The following PARD3 variants were observed in gnomAD, a reference collection of about 807,000 sequenced individuals.
PARD3 encodes partitioning defective 3 homolog.
A neutral mutation model predicts 155.4 loss-of-function variants in PARD3; 75 were observed. The observed-to-expected ratio is 0.48, with a 90% CI of 0.40 to 0.58. PARD3 has a LOEUF of 0.58. Among genes scored for constraint, PARD3 ranks in the 20% least tolerant of loss-of-function variants. PARD3 has a pLI of 0.00. For synonymous variants in PARD3, 576 were observed against 610.5 expected, an observed-to-expected ratio of 0.94 and a Z score of 0.83; for missense variants, 1,642 against 1,721.7, an observed-to-expected ratio of 0.95 and a Z score of 0.82.
intron 23 of PARD3, among the ~76,000 whole-genome samples, chr10:34,124,197 G>A (rs982731540): frequency 6.6e-6 from 1 of 152,112 alleles, no homozygotes; most frequent in African/African-American, 2.4e-5. Context: ...GGCACATATA[G>A]AAAACAAAAA....
intron 2 of PARD3, among the ~76,000 whole-genome samples, chr10:34,687,117 T>C (rs1332101195): frequency 6.6e-6 from 1 of 152,124 alleles, no homozygotes; most frequent in Non-Finnish European, 1.5e-5. Flanking sequence ...CATTAAAGCA[T>C]GTTCCTAACC....
At chr10:34,430,264 T>C (rs2075834963) in intron 5 of PARD3, among the ~76,000 whole-genome samples, 1 of 152,322 alleles carries the variant, frequency 6.6e-6, no homozygotes, top group African/African-American at 2.4e-5. Context: ...ATATGAGAAA[T>C]ATAAAGATAA....
At chr10:34,411,729 TATCTAGATAG>T in intron 5 of PARD3, among the ~76,000 whole-genome samples, 1 of 124,694 alleles carries the variant, frequency 8.0e-6, no homozygotes, top group Non-Finnish European at 1.7e-5. Context: ...AAGACATACA[TATCTAGATAG>T]ATAGATAGAT....
chr10:34,456,840 T>G (rs2077366549), intron 4 of PARD3, among the ~76,000 whole-genome samples: 1 of 152,210 alleles, frequency 6.6e-6, no homozygotes, highest in South Asian at 2.1e-4. Context: ...TGATAATATC[T>G]TTTCTAGTCA....
chr10:34,777,925 C>T (rs553389468), intron 1 of PARD3, among the ~76,000 whole-genome samples: 5 of 151,684 alleles, frequency 3.3e-5, no homozygotes, highest in African/African-American at 1.2e-4. Flanking sequence ...CCCTCCCTCC[C>T]GCAAGGAGGC....
Position 34,125,160 on chromosome 10 carries a change from G to A in PARD3, c.3541-5420C>T, listed in dbSNP as rs535001714. On this transcript the variant is annotated intron_variant, in intron 23 of 24. Transcript: ENST00000374788. ...TGGCTCACTGCCACCTTAGCCTCCT[G>A]GGTTCAAGTGATTCTCCTGCCTCAG... 4.0e-5 allele frequency among the ~76,000 whole-genome samples: 6 copies of A among 150,956 alleles called. No individual in the cohort carries two copies. In the East Asian group the frequency reaches 7.8e-4, roughly 20 times the overall value.
Position 34,384,220 on chromosome 10 carries a change from C to G in PARD3, c.925G>C (p.Gly309Arg). The G allele has an allele frequency of 6.2e-7, 1 of 1,613,708 alleles. No individual in the cohort carries two copies. The highest frequency in any genetic ancestry group is 8.5e-7 in the Non-Finnish European group (1 of 1,179,778). ...AGATTTTCATGTTCAGCTTTACCAC[C>G]TTTCTCCAATCGTTTTACTAATAAC... ...LGLLVKRLEK[G>R]GKAEHENLFR... The change falls in exon 8 of 25, where the codon GGT (glycine) becomes CGT (arginine). Residue 309 changes from glycine to arginine, a missense_variant. Gly to Arg is a moderately radical substitution (Grantham distance 125). Around this residue, in one of 3 missense-constraint regions of PARD3, gnomAD observed 1,529 missense variants for 1,587.3 expected, o/e 0.96. Transcript: ENST00000374788.
intron 3 of PARD3, among the ~76,000 whole-genome samples, chr10:34,478,588 G>A (rs1376913752): frequency 6.6e-6 from 1 of 152,186 alleles, no homozygotes; most frequent in Non-Finnish European, 1.5e-5. Flanking sequence ...TCGTTGCCCA[G>A]GCTGGAGTGT....
chr10:34,337,472 C>A lies in PARD3; in HGVS notation c.2409-46G>T, dbSNP rs1836312612. The A allele has an allele frequency of 2.2e-6, 3 of 1,340,082 alleles. No homozygotes were observed. The South Asian group carries it at 4.8e-5, about 21-fold the overall frequency. The allele number at this position is 1,340,082 out of a possible 1,614,324, so 83.0% of individuals were successfully genotyped here. ...AAATAAAAATATTTACTAAAAATAGCACGCATCCATTTTAGGGAGGTTCAT... is the reference window on the plus strand; with the variant it reads ...AAATAAAAATATTTACTAAAAATAGAACGCATCCATTTTAGGGAGGTTCAT... On this transcript the variant is annotated intron_variant, in intron 16 of 24. Coordinates refer to ENST00000374788, the MANE Select transcript of PARD3 (RefSeq NM_001184785.2).
At chr10:34,784,858 A>C (rs1321512330) in intron 1 of PARD3, among the ~76,000 whole-genome samples, 1 of 152,310 alleles carries the variant, frequency 6.6e-6, no homozygotes, top group African/African-American at 2.4e-5. Context: ...ATCACTGTTC[A>C]TCAGCGCAAA....
At chr10:34,504,251 C>G (rs2080901874) in intron 3 of PARD3, among the ~76,000 whole-genome samples, 1 of 151,812 alleles carries the variant, frequency 6.6e-6, no homozygotes, top group African/African-American at 2.4e-5. Flanking sequence ...GCCTTGGCCT[C>G]CTGAGTAGCT....
At chr10:34,653,202 C>G (rs961776295) in intron 2 of PARD3, among the ~76,000 whole-genome samples, 1 of 152,074 alleles carries the variant, frequency 6.6e-6, no homozygotes, top group Non-Finnish European at 1.5e-5. Context: ...AAGCAAATTA[C>G]GTTCGAACAT....
At chr10:34,326,697 A>G (rs1404565355) in intron 19 of PARD3, among the ~76,000 whole-genome samples, 3 of 152,228 alleles carry the variant, frequency 2.0e-5, no homozygotes, top group Admixed American at 6.5e-5. Flanking sequence ...AAATTCCCCT[A>G]GAAGCTCTCA....
intron 2 of PARD3, among the ~76,000 whole-genome samples, chr10:34,622,011 T>C (rs2091708626): frequency 6.6e-6 from 1 of 152,212 alleles, no homozygotes; most frequent in Non-Finnish European, 1.5e-5. Context: ...TCACATATCT[T>C]AAAATTCAGT....
At chr10:34,164,317 T>A (rs1292171455) in intron 22 of PARD3, among the ~76,000 whole-genome samples, 2 of 152,228 alleles carry the variant, frequency 1.3e-5, no homozygotes, top group African/African-American at 4.8e-5. Flanking sequence ...ATGTGCACCA[T>A]GTACTTCTGC....
intron 24 of PARD3, among the ~76,000 whole-genome samples, chr10:34,117,739 C>A (rs983608114): frequency 6.6e-6 from 1 of 152,142 alleles, no homozygotes; most frequent in Non-Finnish European, 1.5e-5. Context: ...TGGCAAACCC[C>A]TTCTCTACTA....
At chr10:34,748,865 G>A (rs116285838) in intron 1 of PARD3, among the ~76,000 whole-genome samples, 70 of 152,154 alleles carry the variant, frequency 4.6e-4, no homozygotes, top group African/African-American at 1.6e-3. Flanking sequence ...TATAACATTC[G>A]GGCTACCACT....
chr10:34,462,857 G>A (rs1362962272), intron 4 of PARD3, among the ~76,000 whole-genome samples: 4 of 147,324 alleles, frequency 2.7e-5, no homozygotes, highest in East Asian at 2.0e-4. Context: ...AAAGGAAAAC[G>A]GAAAGGGAAG....
At chr10:34,519,890 G>GA (rs905208751) in intron 2 of PARD3, among the ~76,000 whole-genome samples, 5 of 114,026 alleles carry the variant, frequency 4.4e-5, no homozygotes, top group African/African-American at 1.6e-4. Context: ...CATAAAAATA[G>GA]AAAATAAATC....
Sources: gnomAD v4.1 joint callset for allele counts (sites outside exome capture counted in the v4.1 genomes callset) on GRCh38, gnomAD v4.1.1 for gene constraint, gnomAD v4.1.1 regional missense constraint, MANE v1.5 for transcripts, NCBI Gene and HGNC (gene_info 2026-07-23, HGNC 2026-07-21) for gene names.